ARMC9: variants seen among roughly 807,000 people sequenced by gnomAD.
The protein encoded by ARMC9 is armadillo repeat containing 9, also known as lisH domain-containing protein ARMC9.
ARMC9 carries 94 observed loss-of-function variants against 107.0 expected under a neutral mutation model. The observed-to-expected ratio is 0.88, with a 90% CI of 0.74 to 1.04. ARMC9 has a LOEUF of 1.04. Among genes scored for constraint, ARMC9 ranks in the 50% least tolerant of loss-of-function variants. ARMC9 has a pLI of 0.00. For synonymous variants in ARMC9, 380 were observed against 396.9 expected (o/e 0.96, Z 0.51); for missense variants, 942 against 1,030.1 (o/e 0.91, Z 1.17).
intron 3 of ARMC9, among the ~76,000 whole-genome samples, chr2:231,209,452 G>C (rs1248039262): frequency 2.0e-5 from 3 of 152,212 alleles, no homozygotes; most frequent in Non-Finnish European, 2.9e-5. Flanking sequence ...TGCCAGGTAA[G>C]TAATCAGTTC....
chr2:231,346,191 A>C (rs897604415), intron 21 of ARMC9, among the ~76,000 whole-genome samples: 1 of 152,180 alleles, frequency 6.6e-6, no homozygotes, highest in Non-Finnish European at 1.5e-5. Flanking sequence ...TAAACTTACA[A>C]TCAGTGTTTT....
chr2:231,353,230 C>G (rs2045180003), intron 21 of ARMC9, among the ~76,000 whole-genome samples: 1 of 130,236 alleles, frequency 7.7e-6, no homozygotes, highest in Non-Finnish European at 1.5e-5. Flanking sequence ...CTCTGTCAGC[C>G]AGGCTGGAGT....
chr2:231,354,484 C>T (rs2045254507), intron 21 of ARMC9, among the ~76,000 whole-genome samples: 1 of 150,460 alleles, frequency 6.6e-6, no homozygotes, highest in Non-Finnish European at 1.5e-5. Flanking sequence ...CTGGCTCAAG[C>T]GATTCTCCTG....
chr2:231,301,448 A>C (rs1334957791), intron 19 of ARMC9, among the ~76,000 whole-genome samples: 2 of 152,152 alleles, frequency 1.3e-5, no homozygotes, highest in Non-Finnish European at 2.9e-5. Flanking sequence ...CTAGGAGAAC[A>C]TGAAGGAGCC....
intron 22 of ARMC9, among the ~76,000 whole-genome samples, chr2:231,356,336 G>A (rs2045343830): frequency 6.6e-6 from 1 of 152,224 alleles, no homozygotes; most frequent in Non-Finnish European, 1.5e-5. Context: ...GTGCAACTAA[G>A]AGCACAAACA....
chr2:231,322,060 A>G (rs1036191087), intron 19 of ARMC9, among the ~76,000 whole-genome samples: 2 of 152,236 alleles, frequency 1.3e-5, no homozygotes, highest in Admixed American at 1.3e-4. Flanking sequence ...GGTTTCTGTC[A>G]TATCCTTATT....
At chr2:231,279,190 A>C (rs972897420) in intron 16 of ARMC9, among the ~76,000 whole-genome samples, 2 of 152,204 alleles carry the variant, frequency 1.3e-5, no homozygotes, top group Non-Finnish European at 2.9e-5. Context: ...TGGCTATACT[A>C]GCGTTTGCTC....
Position 231,360,767 on chromosome 2 carries a change from C to T in ARMC9, c.2145C>T (p.Ala715=), listed in dbSNP as rs1286439743. The T allele has an allele frequency of 1.3e-6, 2 of 1,536,062 alleles. No homozygotes were observed. Among genetic ancestry groups the T allele is most frequent in the African/African-American group, 2.7e-5 (2 of 73,052 alleles). The stretch of plus-strand genomic sequence containing the variant: ...CCTCCTCCCCAGCAGCCATCATCGC[C>T]AAGCCAGGAGAGTGGCTCCCAAGAG... The part of the protein sequence containing the change: ...SCVSSSSAII[A]KPGEWLPRGR... Residue 715 remains alanine, a synonymous_variant, in exon 23 of 25, where the codon GCC becomes GCT. Transcript: ENST00000611582. This position sits in a 1 kb window ranked among gnomAD's most constrained non-coding sequence, Gnocchi z 4.7.
chr2:231,344,973 A>G lies in ARMC9; in HGVS notation c.1879-2A>G. ...GCCCTTTTTTCTCTTTCCTTCCACCAGATCATGACCAACACGGGGAAGACA... is the reference window on the plus strand; with the variant it reads ...GCCCTTTTTTCTCTTTCCTTCCACCGGATCATGACCAACACGGGGAAGACA... On this transcript the variant is annotated splice_acceptor_variant, in intron 20 of 24. Coordinates refer to ENST00000611582, the MANE Select transcript of ARMC9 (RefSeq NM_001352754.2). LOFTEE classifies it high-confidence loss of function. The G allele has an allele frequency of 1.2e-6, 2 of 1,613,906 alleles. No individual in the cohort carries two copies. The highest frequency in any genetic ancestry group is 1.7e-6 in the Non-Finnish European group (2 of 1,179,972).
intron 8 of ARMC9, among the ~76,000 whole-genome samples, chr2:231,237,740 T>C (rs1051534216): frequency 7.1e-6 from 1 of 141,578 alleles, no homozygotes; most frequent in Non-Finnish European, 1.5e-5. Flanking sequence ...TCATGTATTG[T>C]TCTTGGCTAT....
At chr2:231,207,756 G>A (rs1034791819) in intron 2 of ARMC9, among the ~76,000 whole-genome samples, 1 of 152,258 alleles carries the variant, frequency 6.6e-6, no homozygotes, top group Non-Finnish European at 1.5e-5. Flanking sequence ...TTACAGGCTT[G>A]AGTCACGGCT....
Position 231,355,866 on chromosome 2 carries a change from C to T in ARMC9, c.2063C>T (p.Pro688Leu). Residue 688 changes from proline (P) to leucine (L), a missense_variant, in exon 22 of 25, where the codon CCA becomes CTA. Coordinates refer to ENST00000611582, the MANE Select transcript of ARMC9 (RefSeq NM_001352754.2). Reference protein sequence around the residue: ...HARNGHPQALPAAHEAVYREG... With the variant: ...HARNGHPQALLAAHEAVYREG... Reference sequence around the variant, plus strand: ...AGAAACGGCCACCCGCAGGCCCTGCCAGCCGCTCACGAGGCTGTCTACAGG... The same window carrying T: ...AGAAACGGCCACCCGCAGGCCCTGCTAGCCGCTCACGAGGCTGTCTACAGG... The T allele has an allele frequency of 6.5e-7, 1 of 1,536,166 alleles. No individual in the cohort carries two copies.
chr2:231,230,103 C>T (rs749151415), intron 7 of ARMC9, among the ~76,000 whole-genome samples: 1 of 152,006 alleles, frequency 6.6e-6, no homozygotes, highest in Admixed American at 6.5e-5. Context: ...GGCTCATGCC[C>T]GTAATCCCAG....
chr2:231,265,694 CTT>C (rs1167648711), intron 12 of ARMC9, among the ~76,000 whole-genome samples: 3 of 147,828 alleles, frequency 2.0e-5, no homozygotes, highest in Admixed American at 1.3e-4. Context: ...TGAAATAAAA[CTT>C]TTTTTCTAAA....
chr2:231,286,255 A>C (rs1250626403), intron 17 of ARMC9, among the ~76,000 whole-genome samples: 1 of 152,124 alleles, frequency 6.6e-6, no homozygotes, highest in African/African-American at 2.4e-5. Context: ...AGCTGGGATT[A>C]CAGGTGCCCA....
chr2:231,376,407 C>G lies in ARMC9; in HGVS notation c.*4872C>G, dbSNP rs1559518292. 6.6e-6 allele frequency among the ~76,000 whole-genome samples: 1 copy of G among 152,136 alleles called. No homozygotes were observed. Among genetic ancestry groups the G allele is most frequent in the Non-Finnish European group, 1.5e-5 (1 of 68,024 alleles). On this transcript the variant is annotated 3_prime_UTR_variant, in exon 25 of 25. Coordinates refer to ENST00000611582, the MANE Select transcript of ARMC9 (RefSeq NM_001352754.2). ...AGAGAATGCACACCTGGGGGTGGGTCTCTGAACTGGCCCCCCTCCCCCGGG... is the reference window on the plus strand; with the variant it reads ...AGAGAATGCACACCTGGGGGTGGGTGTCTGAACTGGCCCCCCTCCCCCGGG...
chr2:231,350,501 A>G (rs1474245510), intron 21 of ARMC9, among the ~76,000 whole-genome samples: 3 of 151,734 alleles, frequency 2.0e-5, no homozygotes, highest in Non-Finnish European at 4.4e-5. Context: ...TCACACCTGC[A>G]ATCCTAGCAC....
At position 231,282,060 on chromosome 2, in the gene ARMC9, T is replaced by TA. The variant is rs1346443930; in HGVS notation, c.1554dup (p.Gln519ThrfsTer19). The stretch of plus-strand genomic sequence containing the variant: ...CTGGTTTTTTTCCTCCCCTTAAAGA[T>TA]ACAGCCGTATGTGAATGGAGCTCTG... On this transcript the variant is annotated frameshift_variant and splice_region_variant, in exon 17 of 25. Transcript: ENST00000611582. LOFTEE classifies it high-confidence loss of function. 39 of 1,613,930 alleles carry TA rather than the reference T, an allele frequency of 2.4e-5. No individual in the cohort carries two copies. The highest frequency in any genetic ancestry group is 3.2e-5 in the Non-Finnish European group (38 of 1,179,940).
chr2:231,367,373 CTTTAAGG>C (rs2045860242), intron 23 of ARMC9, among the ~76,000 whole-genome samples: 1 of 152,118 alleles, frequency 6.6e-6, no homozygotes, highest in South Asian at 2.1e-4. Flanking sequence ...TGCCTGCCGG[CTTTAAGG>C]CGCCATATGG....
Sources: allele counts gnomAD v4.1 joint callset (sites outside exome capture counted in the v4.1 genomes callset), GRCh38; gene constraint gnomAD v4.1.1; non-coding constraint Gnocchi (gnomAD v3.1); transcripts MANE v1.5; gene names NCBI Gene and HGNC (gene_info 2026-07-23, HGNC 2026-07-21).